The following EIF4G1 variants were observed in gnomAD, a reference collection of about 807,000 sequenced individuals.
The protein encoded by EIF4G1 is eukaryotic translation initiation factor 4 gamma 1.
Under a neutral mutation model 187.8 loss-of-function variants are expected in EIF4G1, and 4 were observed. The observed-to-expected ratio is 0.02, with a 90% confidence interval of 0.01 to 0.05. The LOEUF (loss-of-function observed/expected upper bound fraction) is 0.05, where lower values mean the gene tolerates loss of function less well. EIF4G1 is among the 10% of genes least tolerant of loss of function. The pLI is 1.00. For missense variants in EIF4G1, 1,647 were observed against 2,081.1 expected, an observed-to-expected ratio of 0.79 and a Z score of 4.06; for synonymous variants, 844 against 781.4, an observed-to-expected ratio of 1.08 and a Z score of -1.34.
chr3:184,324,218 G>A lies in EIF4G1; in HGVS notation c.2490G>A (p.Thr830=), dbSNP rs200273540. 109 of 1,614,202 alleles carry A rather than the reference G, an allele frequency of 6.8e-5. No individual in the cohort carries two copies. Among genetic ancestry groups the A allele is most frequent in the Non-Finnish European group, 8.7e-5 (103 of 1,180,038 alleles). ...ACCTACAGCTGAAAGTGCCCACTAC[G>A]GAAAAGCCAACAGTGACTGTGAACT... ...RCLMALKVPT[T]EKPTVTVNFR... Residue 830 remains threonine (T), a synonymous_variant, in exon 17 of 33, where the codon ACG becomes ACA. Transcript: ENST00000346169.
At position 184,321,948 on chromosome 3, in the gene EIF4G1, A is replaced by G; in HGVS notation, c.1364A>G (p.Glu455Gly). 1 of 1,614,018 alleles carries G rather than the reference A, an allele frequency of 6.2e-7. No individual in the cohort carries two copies. The highest frequency in any genetic ancestry group is 2.2e-5 in the East Asian group (1 of 44,890). ...APSATSPAQEEEMEEEEEEEE... is the reference protein window; with the variant it reads ...APSATSPAQEGEMEEEEEEEE... ...TCAGCTACTTCCCCAGCTCAGGAGG[A>G]GGAAATGGAAGAAGAAGAAGAAGAG... The change falls in exon 10 of 33, where the codon GAG becomes GGG. Residue 455 changes from glutamate (E) to glycine (G), a missense_variant. Physicochemically the swap from Glu to Gly is moderately conservative, Grantham distance 98. Around this residue, in one of 11 missense-constraint regions of EIF4G1, gnomAD observed 522 missense variants for 485.2 expected, o/e 1.08. Transcript: ENST00000346169.
intron 7 of EIF4G1, 144 bp downstream of exon 7, chr3:184,319,945 G>A: frequency 1.4e-6 from 1 of 702,750 alleles, no homozygotes; most frequent in Non-Finnish European, 2.6e-6. Context: ...GGAGGGCTCA[G>A]GTTCTTTGTA....
chr3:184,326,069 G>A, intron 21 of EIF4G1, 118 bp downstream of exon 21: 1 of 1,125,444 alleles, frequency 8.9e-7, no homozygotes, highest in Non-Finnish European at 1.3e-6. Flanking sequence ...TGGTTGGATT[G>A]CTGGAGACAG....
Position 184,335,292 on chromosome 3 carries a change from T to G in EIF4G1, c.*384T>G. ...CCCAGCCCCTGTACCACCCCTGCTGTTGCCTGGGCAGGGGGAAGGGGGGGC... is the reference window on the plus strand; with the variant it reads ...CCCAGCCCCTGTACCACCCCTGCTGGTGCCTGGGCAGGGGGAAGGGGGGGC... On this transcript the variant is annotated 3_prime_UTR_variant, in exon 33 of 33. Transcript: ENST00000346169. 1 of 247,634 alleles carries G rather than the reference T, an allele frequency of 4.0e-6. No homozygotes were observed. The highest frequency in any genetic ancestry group is 8.1e-6 in the Non-Finnish European group (1 of 123,784). The allele number at this position is 247,634 out of a possible 1,614,324, so 15.3% of individuals were successfully genotyped here.
chr3:184,330,646 CT>C (rs138015976), intron 28 of EIF4G1, among the ~76,000 whole-genome samples: 2,116 of 152,228 alleles, frequency 0.014, 67 homozygotes, highest in African/African-American at 0.049. Context: ...AACAAGCATA[CT>C]TGTTAGAAGT....
chr3:184,328,318 G>A (rs1431288083), intron 26 of EIF4G1: 18 of 481,762 alleles, frequency 3.7e-5, no homozygotes, highest in Non-Finnish European at 6.1e-5. Context: ...TTGAACCCGG[G>A]AGGTGGAGGT....
At chr3:184,332,111 G>A (rs768894963) in intron 32 of EIF4G1, 25 bp downstream of exon 32, 39 of 1,614,034 alleles carry the variant, frequency 2.4e-5, no homozygotes, top group Non-Finnish European at 3.2e-5. Flanking sequence ...ATGGGGACAG[G>A]GGTGGGGTGG....
Position 184,322,117 on chromosome 3 carries a change from G to A in EIF4G1, c.1519+14G>A, listed in dbSNP as rs1387017204. On this transcript the variant is annotated intron_variant, in intron 10 of 32. Transcript: ENST00000346169. ...CAGCCACTCAAGGTAAGGTGTGGTTGGACGGTAGAGGTAGGGCGGGCTAGG... is the reference window on the plus strand; with the variant it reads ...CAGCCACTCAAGGTAAGGTGTGGTTAGACGGTAGAGGTAGGGCGGGCTAGG... The A allele has an allele frequency of 1.9e-6, 3 of 1,614,128 alleles. No individual in the cohort carries two copies. Among genetic ancestry groups the A allele is most frequent in the South Asian group, 1.1e-5 (1 of 91,072 alleles).
chr3:184,324,365 ATC>A lies in EIF4G1; in HGVS notation c.2619+19_2619+20del, dbSNP rs1724447908. Reference sequence around the variant, plus strand: ...CTGCTACGGTGAGAGAAAACCCACTATCGATTCCACTCACCACTTACCTCCTT... The same window carrying A: ...CTGCTACGGTGAGAGAAAACCCACTAGATTCCACTCACCACTTACCTCCTT... On this transcript the variant is annotated intron_variant, in intron 17 of 32. Coordinates refer to ENST00000346169, the MANE Select transcript of EIF4G1 (RefSeq NM_198241.3). 2 of 1,614,148 alleles carry A rather than the reference ATC, an allele frequency of 1.2e-6. No homozygotes were observed. Among genetic ancestry groups the A allele is most frequent in the East Asian group, 4.5e-5 (2 of 44,888 alleles).
At position 184,321,703 on chromosome 3, in the gene EIF4G1, G is replaced by A. The variant is rs1162254954; in HGVS notation, c.1119G>A (p.Glu373=). 1.3e-6 allele frequency: 2 copies of A among 1,593,110 alleles called. No homozygotes were observed. ...TCCCATCTGAAGATCTGGAACCAGAGGTGGAGTCAAGCCCAGAGCTTGCTC... is the reference window on the plus strand; with the variant it reads ...TCCCATCTGAAGATCTGGAACCAGAAGTGGAGTCAAGCCCAGAGCTTGCTC... ...GMVPSEDLEP[E]VESSPELAPP... Residue 373 remains glutamate (E), a synonymous_variant, in exon 10 of 33, where the codon GAG becomes GAA. Transcript: ENST00000346169.
Position 184,328,441 on chromosome 3 carries a change from A to T in EIF4G1, c.3954-190A>T. 4.9e-6 allele frequency: 4 copies of T among 815,672 alleles called. No individual in the cohort carries two copies. The East Asian group carries it at 9.9e-5, about 20-fold the overall frequency. The allele number at this position is 815,672 out of a possible 1,614,324, so 50.5% of individuals were successfully genotyped here. ...GTTCCTTGACCATCCTGGTCAGCATAACTTTAGGGGGTTAAGCGGGGTGAA... is the reference window on the plus strand; with the variant it reads ...GTTCCTTGACCATCCTGGTCAGCATTACTTTAGGGGGTTAAGCGGGGTGAA... On this transcript the variant is annotated intron_variant, in intron 26 of 32. Transcript: ENST00000346169.
intron 23 of EIF4G1, 89 bp from the exon 24 acceptor site, chr3:184,327,127 C>G: frequency 6.3e-7 from 1 of 1,576,452 alleles, no homozygotes; most frequent in Non-Finnish European, 8.7e-7. Context: ...ATGCTAAGAA[C>G]AAGGCCCAAC....
chr3:184,315,822 G>GCCCCGCCCCCCCCCCCC lies in EIF4G1; in HGVS notation c.30_31insGCCCCCCCCCCCCCCCC (p.Pro11AlafsTer37). 6.5e-7 allele frequency: 1 copy of GCCCCGCCCCCCCCCCCC among 1,544,498 alleles called. No individual in the cohort carries two copies. The highest frequency in any genetic ancestry group is 8.8e-7 in the Non-Finnish European group (1 of 1,140,804). ...ATGAACAAAGCTCCACAGTCCACAG[G>GCCCCGCCCCCCCCCCCC]CCCCCCACCCGCCCCATCCCCCGGA... is the stretch of plus-strand genomic sequence containing the variant. On this transcript the variant is annotated frameshift_variant, in exon 3 of 33. Transcript: ENST00000346169. LOFTEE classifies it high-confidence loss of function.
Position 184,331,952 on chromosome 3 carries a change from C to T in EIF4G1, c.4484C>T (p.Thr1495Ile). 6.2e-7 allele frequency: 1 copy of T among 1,614,204 alleles called. No homozygotes were observed. Among genetic ancestry groups the T allele is most frequent in the Non-Finnish European group, 8.5e-7 (1 of 1,180,040 alleles). The change falls in exon 32 of 33, where the codon ACT (threonine) becomes ATT (isoleucine). Residue 1495 changes from threonine to isoleucine, a missense_variant. Transcript: ENST00000346169. ...CATCCCTGTCTTCTTGTAGTTGAGA[C>T]TCCCCTCCGAGTGGACGTTGCAGTG... ...AVCYSAIIFE[T>I]PLRVDVAVLK... is the part of the protein sequence containing the mutation.
rs149740660 is a variant in EIF4G1 at position 184,322,229 on chromosome 3, G to A, written c.1519+126G>A. On this transcript the variant is annotated intron_variant, in intron 10 of 32. Coordinates refer to ENST00000346169, the MANE Select transcript of EIF4G1 (RefSeq NM_198241.3). ...AATGGAATCTAAGAACTAGATTAAG[G>A]ACTTTTAAGCCTAAAAAGGGTGATG... 208 of 1,545,998 alleles carry A rather than the reference G, an allele frequency of 1.3e-4. 1 individual carries two copies. In the East Asian group the frequency reaches 4.2e-3, roughly 31 times the overall value.
chr3:184,315,720 C>T, intron 2 of EIF4G1, 43 bp from the exon 3 acceptor site: 2 of 1,482,780 alleles, frequency 1.3e-6, no homozygotes, highest in Admixed American at 2.0e-5. Flanking sequence ...TTGCCTTAAG[C>T]TTGGGTCCCT....
chr3:184,328,383 CTG>C (rs1298254742), intron 26 of EIF4G1: 5 of 580,912 alleles, frequency 8.6e-6, no homozygotes, highest in Non-Finnish European at 1.2e-5. Context: ...AAAAGCAAAA[CTG>C]TCTCAAAAAA....
chr3:184,335,003 A>T lies in EIF4G1; in HGVS notation c.*95A>T, dbSNP rs1577275798. The T allele has an allele frequency of 6.6e-7, 1 of 1,515,852 alleles. No individual in the cohort carries two copies. The allele number at this position is 1,515,852 out of a possible 1,614,324, so 93.9% of individuals were successfully genotyped here. On this transcript the variant is annotated 3_prime_UTR_variant, in exon 33 of 33. Transcript: ENST00000346169. ...GGGGGGCGGCAGCAGCGGCGGTGGC[A>T]GTGGGTGCCTGTAGTGTGATGTGTC...
At position 184,328,968 on chromosome 3, in the gene EIF4G1, T is replaced by G; in HGVS notation, c.4139T>G (p.Leu1380Arg). The G allele has an allele frequency of 6.2e-7, 1 of 1,614,206 alleles. No homozygotes were observed. Among genetic ancestry groups the G allele is most frequent in the Non-Finnish European group, 8.5e-7 (1 of 1,180,040 alleles). The change falls in exon 28 of 33, where the codon CTG (leucine) becomes CGG (arginine). Residue 1380 changes from leucine to arginine, a missense_variant. Around this residue, in one of 11 missense-constraint regions of EIF4G1, gnomAD observed 543 missense variants for 638.0 expected, o/e 0.85. Coordinates refer to ENST00000346169, the MANE Select transcript of EIF4G1 (RefSeq NM_198241.3). The part of the protein sequence containing the change: ...GKAASLLLEI[L>R]GLLCKSMGPK... ...GCTGCTTCCCTGTTGCTGGAGATCC[T>G]GGGCCTCCTGTGCAAAAGCATGGTG...
Sources: gnomAD v4.1 joint callset for allele counts (sites outside exome capture counted in the v4.1 genomes callset) on GRCh38, gnomAD v4.1.1 for gene constraint, gnomAD v4.1.1 regional missense constraint, MANE v1.5 for transcripts, NCBI Gene and HGNC (gene_info 2026-07-23, HGNC 2026-07-21) for gene names.